Variants in ME2 observed in about 807,000 individuals in gnomAD.
ME2 encodes NAD-dependent malic enzyme, mitochondrial.
A neutral mutation model predicts 73.7 loss-of-function variants in ME2; 60 were observed. The ratio of observed to expected loss-of-function variants is 0.81; its 90% CI spans 0.66 to 1.01. The LOEUF is 1.01. ME2 is among the 50% of genes least tolerant of loss of function. The pLI is 0.00. For synonymous variants in ME2, 199 were observed against 236.9 expected (o/e 0.84, Z 1.47); for missense variants, 594 against 705.5 (o/e 0.84, Z 1.79).
intron 7 of ME2, among the ~76,000 whole-genome samples, chr18:50,918,702 C>CTTTTTTTTT (rs34143282): frequency 1.4e-5 from 2 of 141,752 alleles, no homozygotes; most frequent in Non-Finnish European, 1.5e-5. Context: ...CCACCTTTCT[C>CTTTTTTTTT]TTTTTTTTTT....
At chr18:50,919,128 G>T (rs605902) in intron 7 of ME2, among the ~76,000 whole-genome samples, 3 of 151,902 alleles carry the variant, frequency 2.0e-5, no homozygotes, top group Admixed American at 2.0e-4. Flanking sequence ...TTCCATTGCC[G>T]CAATCTTGCT....
At chr18:50,880,502 A>G (rs1262766281) in intron 1 of ME2, among the ~76,000 whole-genome samples, 4 of 152,250 alleles carry the variant, frequency 2.6e-5, no homozygotes, top group Non-Finnish European at 5.9e-5. Context: ...AAACATACAT[A>G]TAGGCCGTTC....
chr18:50,889,771 G>C (rs1313486115), intron 1 of ME2, among the ~76,000 whole-genome samples: 1 of 152,098 alleles, frequency 6.6e-6, no homozygotes, highest in Non-Finnish European at 1.5e-5. Flanking sequence ...CATGTTAATG[G>C]GATTCTAGGA....
At chr18:50,910,780 A>G (rs1284737054) in intron 3 of ME2, among the ~76,000 whole-genome samples, 1 of 152,238 alleles carries the variant, frequency 6.6e-6, no homozygotes, top group Non-Finnish European at 1.5e-5. Flanking sequence ...GAAGGGTAGT[A>G]CAGTGATAAA....
chr18:50,892,903 A>T (rs1916638955), intron 1 of ME2, among the ~76,000 whole-genome samples: 1 of 152,122 alleles, frequency 6.6e-6, no homozygotes, highest in South Asian at 2.1e-4. Context: ...AGGTGGGCGG[A>T]TCACAAGGTC....
intron 7 of ME2, among the ~76,000 whole-genome samples, chr18:50,920,130 A>T (rs1917385614): frequency 6.6e-6 from 1 of 152,188 alleles, no homozygotes; most frequent in Admixed American, 6.5e-5. Flanking sequence ...CTATTAATGT[A>T]ATGAGAATAT....
chr18:50,903,458 CT>C (rs956032708), intron 2 of ME2, among the ~76,000 whole-genome samples: 20 of 149,788 alleles, frequency 1.3e-4, no homozygotes, highest in Non-Finnish European at 2.1e-4. Flanking sequence ...GCAAAGCGTA[CT>C]TTTTTTTTTG....
At chr18:50,946,767 C>T (rs1918093159) in intron 15 of ME2, among the ~76,000 whole-genome samples, 1 of 152,178 alleles carries the variant, frequency 6.6e-6, no homozygotes, top group Non-Finnish European at 1.5e-5. Flanking sequence ...GGAGGAATGA[C>T]ATAGGCTGGG....
chr18:50,907,598 A>G (rs1022276702), intron 2 of ME2, among the ~76,000 whole-genome samples: 1 of 152,194 alleles, frequency 6.6e-6, no homozygotes, highest in African/African-American at 2.4e-5. Flanking sequence ...CATTTCTTCT[A>G]TCCCCTTTTA....
Position 50,918,141 on chromosome 18 carries a change from T to C in ME2, c.662T>C (p.Leu221Ser). ...TTAAAAGACCCATTTTACATGGGCT[T>C]GTACCAGAAACGAGATCGCACACAA... is the stretch of plus-strand genomic sequence containing the variant. ...ALLKDPFYMGLYQKRDRTQQY... is the reference protein window; with the variant it reads ...ALLKDPFYMGSYQKRDRTQQY... Residue 221 changes from leucine (L) to serine (S), a missense_variant, in exon 7 of 16, where the codon TTG becomes TCG. Transcript: ENST00000321341. 1 of 1,609,038 alleles carries C rather than the reference T, an allele frequency of 6.2e-7. No individual in the cohort carries two copies. Among genetic ancestry groups the C allele is most frequent in the Non-Finnish European group, 8.5e-7 (1 of 1,176,628 alleles).
At position 50,947,642 on chromosome 18, in the gene ME2, T is replaced by C. The variant is rs2144280030; in HGVS notation, c.*458T>C. 1 of 153,088 alleles carries C rather than the reference T, an allele frequency of 6.5e-6. No homozygotes were observed. Among genetic ancestry groups the C allele is most frequent in the South Asian group, 2.1e-4 (1 of 4,858 alleles). The allele number at this position is 153,088 out of a possible 1,614,324, so 9.5% of individuals were successfully genotyped here. A position where few individuals can be genotyped will look rare whatever the true frequency, so the allele number is the denominator to read the frequency against. On this transcript the variant is annotated 3_prime_UTR_variant, in exon 16 of 16. Coordinates refer to ENST00000321341, the MANE Select transcript of ME2 (RefSeq NM_002396.5). ...CCAAATTTTAAGGAAAAATTGTCAT[T>C]ATCTAAAAATGTTCTTATATATCTG...
chr18:50,891,597 T>G (rs1344004231), intron 1 of ME2, among the ~76,000 whole-genome samples: 3 of 152,052 alleles, frequency 2.0e-5, no homozygotes, highest in Admixed American at 1.3e-4. Context: ...TAGACATGAG[T>G]GGAATTTTTT....
intron 1 of ME2, 39 bp downstream of exon 1, chr18:50,879,347 G>A (rs1373222489): frequency 6.6e-6 from 1 of 151,692 alleles, no homozygotes; most frequent in Non-Finnish European, 1.5e-5. Context: ...GGGGGTCCGG[G>A]AGAGGAGCGG....
At chr18:50,936,026 C>T (rs922885286) in intron 13 of ME2, among the ~76,000 whole-genome samples, 1 of 151,838 alleles carries the variant, frequency 6.6e-6, no homozygotes, top group Non-Finnish European at 1.5e-5. Flanking sequence ...TCAAAAAGCT[C>T]ACAGAAACCC....
chr18:50,908,249 TATG>T, intron 3 of ME2, 53 bp downstream of exon 3: 1 of 1,332,916 alleles, frequency 7.5e-7, no homozygotes, highest in Non-Finnish European at 1.0e-6. Context: ...TTAGAAAACT[TATG>T]AGCATTATGG....
At chr18:50,934,902 G>A (rs1428299161) in intron 13 of ME2, 3 of 152,160 alleles carry the variant, frequency 2.0e-5, no homozygotes, top group African/African-American at 7.2e-5. Context: ...CACAGAACAA[G>A]CTTTTGAAGC....
chr18:50,937,733 T>C (rs1429217227), intron 13 of ME2, among the ~76,000 whole-genome samples: 1 of 151,980 alleles, frequency 6.6e-6, no homozygotes, highest in African/African-American at 2.4e-5. Context: ...TAAAGTTTGA[T>C]AGCAGAAAGA....
Position 50,952,882 on chromosome 18 carries a change from T to C in ME2, c.*5698T>C, listed in dbSNP as rs1056421617. 3 of 152,150 alleles carry C rather than the reference T, an allele frequency of 2.0e-5. No homozygotes were observed. Among genetic ancestry groups the C allele is most frequent in the Non-Finnish European group, 4.4e-5 (3 of 68,024 alleles). 9.4% of individuals were successfully genotyped at this position (152,150 alleles called of 1,614,324 possible). A position where few individuals can be genotyped will look rare whatever the true frequency, so the allele number is the denominator to read the frequency against. Reference sequence around the variant, plus strand: ...CACTGTTCTAAGGATCCGACATATTTAATCCTCTGTTTACCCTCTGTTTCT... The same window carrying C: ...CACTGTTCTAAGGATCCGACATATTCAATCCTCTGTTTACCCTCTGTTTCT... On this transcript the variant is annotated 3_prime_UTR_variant, in exon 16 of 16. Transcript: ENST00000321341.
In ME2 at chr18:50,950,921, CAA is replaced by C. The variant is rs1181349446; in HGVS notation, c.*3738_*3739del. ...TTTAGCGTTTATGTGTCATATACTT[CAA>C]GTTACATGAAAAAGATCAACTGAAA... On this transcript the variant is annotated 3_prime_UTR_variant, in exon 16 of 16. Coordinates refer to ENST00000321341, the MANE Select transcript of ME2 (RefSeq NM_002396.5). 1.3e-5 allele frequency: 2 copies of C among 152,112 alleles called. No homozygotes were observed. Among genetic ancestry groups the C allele is most frequent in the Admixed American group, 6.5e-5 (1 of 15,272 alleles). The allele number at this position is 152,112 out of a possible 1,614,324, so 9.4% of individuals were successfully genotyped here.
Sources: gnomAD v4.1 joint callset for allele counts (sites outside exome capture counted in the v4.1 genomes callset) on GRCh38, gnomAD v4.1.1 for gene constraint, MANE v1.5 for transcripts, NCBI Gene and HGNC (gene_info 2026-07-23, HGNC 2026-07-21) for gene names.